The following CAMKMT variants were observed in gnomAD, a reference collection of about 807,000 sequenced individuals.
CAMKMT encodes the protein calmodulin-lysine N-methyltransferase.
In CAMKMT, 53 loss-of-function variants were observed where a neutral mutation model predicts 48.0. The observed-to-expected ratio is 1.10, with a 90% CI of 0.89 to 1.39. The LOEUF (loss-of-function observed/expected upper bound fraction) is 1.39, where lower values mean the gene tolerates loss of function less well. CAMKMT is among the 40% of genes most tolerant of loss of function. CAMKMT has a pLI of 0.00. For synonymous variants in CAMKMT, 165 were observed against 152.3 expected (o/e 1.08, Z -0.61); for missense variants, 428 against 402.7 (o/e 1.06, Z -0.54).
chr2:44,466,580 T>C (rs1668125292), intron 3 of CAMKMT, among the ~76,000 whole-genome samples: 1 of 151,860 alleles, frequency 6.6e-6, no homozygotes, highest in South Asian at 2.1e-4. Context: ...GGCTCTCATA[T>C]CAACAAAATA....
chr2:44,427,007 A>T (rs114308693), intron 3 of CAMKMT, among the ~76,000 whole-genome samples: 1 of 152,176 alleles, frequency 6.6e-6, no homozygotes, highest in Non-Finnish European at 1.5e-5. Context: ...GAGAATCCTG[A>T]AATAAAGCCA....
chr2:44,518,646 G>T (rs1259807626), intron 3 of CAMKMT, among the ~76,000 whole-genome samples: 1 of 152,144 alleles, frequency 6.6e-6, no homozygotes, highest in Non-Finnish European at 1.5e-5. Flanking sequence ...AAGATATGTG[G>T]AAAAGCTATT....
In CAMKMT at chr2:44,772,142, C is replaced by T. The variant is rs149526865; in HGVS notation, c.*29C>T. On this transcript the variant is annotated 3_prime_UTR_variant, in exon 11 of 11. Coordinates refer to ENST00000378494, the MANE Select transcript of CAMKMT (RefSeq NM_024766.5). ...ATTAAGCTTCTCAAAGACGAAGAAACGTATCAAGTGCATAGGGAATATTTT... is the reference window on the plus strand; with the variant it reads ...ATTAAGCTTCTCAAAGACGAAGAAATGTATCAAGTGCATAGGGAATATTTT... 4.1e-3 allele frequency: 6,361 copies of T among 1,562,136 alleles called. 31 individuals carry two copies. The highest frequency in any genetic ancestry group is 0.02 in the East Asian group (908 of 44,610).
chr2:44,465,110 C>T lies in CAMKMT; in HGVS notation c.376+74805C>T, dbSNP rs142072864. ...AATGAATATAAAATATAAAAAGATA[C>T]GTAATTTGTGACACTGGTAACATAG... is the stretch of plus-strand genomic sequence containing the variant. On this transcript the variant is annotated intron_variant, in intron 3 of 10. Transcript: ENST00000378494. Among the ~76,000 whole-genome samples, 1,236 of 151,870 alleles carry T rather than the reference C, an allele frequency of 8.1e-3. 11 individuals are homozygous for T. Among genetic ancestry groups the T allele is most frequent in the Admixed American group, 0.012 (178 of 15,256 alleles).
chr2:44,766,823 G>T (rs1251366103), intron 10 of CAMKMT, among the ~76,000 whole-genome samples: 2 of 152,198 alleles, frequency 1.3e-5, no homozygotes, highest in Non-Finnish European at 2.9e-5. Flanking sequence ...AGACTAATTT[G>T]TAGGATGTAA....
At chr2:44,481,440 T>C (rs1402927594) in intron 3 of CAMKMT, among the ~76,000 whole-genome samples, 1 of 152,086 alleles carries the variant, frequency 6.6e-6, no homozygotes, top group Admixed American at 6.5e-5. Flanking sequence ...GTGAACATTC[T>C]GTCTATCCTT....
At chr2:44,670,936 A>G (rs1675292815) in intron 3 of CAMKMT, among the ~76,000 whole-genome samples, 1 of 152,220 alleles carries the variant, frequency 6.6e-6, no homozygotes, top group South Asian at 2.1e-4. Context: ...CTCTTGACCT[A>G]TCAATTTTTG....
At chr2:44,465,623 A>G (rs1668073438) in intron 3 of CAMKMT, among the ~76,000 whole-genome samples, 1 of 152,022 alleles carries the variant, frequency 6.6e-6, no homozygotes, top group Non-Finnish European at 1.5e-5. Context: ...AGAGAAAAGG[A>G]GAGACAAAAT....
At chr2:44,499,761 C>A (rs546578366) in intron 3 of CAMKMT, among the ~76,000 whole-genome samples, 1 of 152,228 alleles carries the variant, frequency 6.6e-6, no homozygotes, top group African/African-American at 2.4e-5. Flanking sequence ...GTTGTAGAAC[C>A]ATGAAAATTT....
intron 3 of CAMKMT, among the ~76,000 whole-genome samples, chr2:44,424,760 G>A (rs1291563974): frequency 6.6e-6 from 1 of 152,132 alleles, no homozygotes; most frequent in African/African-American, 2.4e-5. Context: ...GGGGACTTAG[G>A]GGGAAAGGGT....
intron 3 of CAMKMT, among the ~76,000 whole-genome samples, chr2:44,405,879 A>AT (rs1682742692): frequency 6.6e-6 from 1 of 152,214 alleles, no homozygotes; most frequent in Non-Finnish European, 1.5e-5. Flanking sequence ...ATTGCTGGGT[A>AT]ATAATTAGAA....
Position 44,764,095 on chromosome 2 carries a change from A to G in CAMKMT, c.763-2335A>G, listed in dbSNP as rs1390400210. Among the ~76,000 whole-genome samples the G allele has an allele frequency of 5.9e-5, 9 of 152,192 alleles. No individual in the cohort carries two copies. The East Asian group carries it at 1.7e-3, about 29-fold the overall frequency. On this transcript the variant is annotated intron_variant, in intron 9 of 10. Coordinates refer to ENST00000378494, the MANE Select transcript of CAMKMT (RefSeq NM_024766.5). ...GACCATGTATTATATCTAGTTTCACATAAAAATGAATTTTTGCTGCTAAGT... is the reference window on the plus strand; with the variant it reads ...GACCATGTATTATATCTAGTTTCACGTAAAAATGAATTTTTGCTGCTAAGT...
At chr2:44,695,339 C>T (rs1006176821) in intron 3 of CAMKMT, among the ~76,000 whole-genome samples, 3 of 152,058 alleles carry the variant, frequency 2.0e-5, no homozygotes, top group Non-Finnish European at 4.4e-5. Context: ...CATTAGTGTT[C>T]TTGTCTTGTA....
chr2:44,759,961 G>T (rs1680547816), intron 9 of CAMKMT, among the ~76,000 whole-genome samples: 1 of 152,140 alleles, frequency 6.6e-6, no homozygotes, highest in South Asian at 2.1e-4. Flanking sequence ...TTACGCCTTA[G>T]TATTGGACTC....
At chr2:44,473,427 A>G (rs1328758450) in intron 3 of CAMKMT, among the ~76,000 whole-genome samples, 1 of 152,194 alleles carries the variant, frequency 6.6e-6, no homozygotes, top group African/African-American at 2.4e-5. Context: ...TGGTAGATTG[A>G]GTGCCAGAAT....
At chr2:44,697,444 C>T (rs1202427471) in intron 3 of CAMKMT, among the ~76,000 whole-genome samples, 1 of 151,942 alleles carries the variant, frequency 6.6e-6, no homozygotes, top group Non-Finnish European at 1.5e-5. Context: ...GAGAGATTTC[C>T]TCATAAGGTT....
intron 3 of CAMKMT, among the ~76,000 whole-genome samples, chr2:44,600,359 T>C (rs200144918): frequency 6.6e-6 from 1 of 151,934 alleles, no homozygotes; most frequent in South Asian, 2.1e-4. Flanking sequence ...CTCAAACTCC[T>C]GGGCTCAGGT....
chr2:44,462,543 T>G lies in CAMKMT; in HGVS notation c.376+72238T>G, dbSNP rs1190887301. On this transcript the variant is annotated intron_variant, in intron 3 of 10. Transcript: ENST00000378494. ...ATAATAATAGATCTAAATTCCTTTT[T>G]TTGCTTTTATTTTTGATGTTCCAAA... Among the ~76,000 whole-genome samples the G allele has an allele frequency of 3.9e-5, 6 of 152,270 alleles. No homozygotes were observed. The East Asian group carries it at 7.7e-4, about 20-fold the overall frequency.
chr2:44,413,341 C>A (rs1261182009), intron 3 of CAMKMT, among the ~76,000 whole-genome samples: 1 of 151,714 alleles, frequency 6.6e-6, no homozygotes, highest in Non-Finnish European at 1.5e-5. Flanking sequence ...CTAAATATAA[C>A]CATCACGTAC....
Sources: allele counts gnomAD v4.1 joint callset (sites outside exome capture counted in the v4.1 genomes callset), GRCh38; gene constraint gnomAD v4.1.1; transcripts MANE v1.5; gene names NCBI Gene and HGNC (gene_info 2026-07-23, HGNC 2026-07-21).